Variants in PA2G4 observed in about 807,000 individuals in gnomAD.
The protein encoded by PA2G4 is proliferation-associated protein 2G4.
In PA2G4, 8 loss-of-function variants were observed where a neutral mutation model predicts 53.3. That is an observed-to-expected ratio of 0.15 (90% CI 0.09 to 0.27). The LOEUF is 0.27. PA2G4 is among the 10% of genes least tolerant of loss of function. The pLI, the probability that PA2G4 is intolerant of heterozygous loss-of-function variation, is 1.00. For missense variants in PA2G4, 208 were observed against 486.8 expected (o/e 0.43, Z 5.39); for synonymous variants, 143 against 169.8 (o/e 0.84, Z 1.23).
At chr12:56,110,904 C>T (rs1313814278) in intron 9 of PA2G4, 60 bp from the exon 10 acceptor site, 1 of 1,513,508 alleles carries the variant, frequency 6.6e-7, no homozygotes, top group Non-Finnish European at 9.1e-7. Context: ...AAAATATGAG[C>T]AAAATGGTAA....
At position 56,104,732 on chromosome 12, in the gene PA2G4, AG is replaced by A; in HGVS notation, c.-4del. 1 of 1,613,452 alleles carries A rather than the reference AG, an allele frequency of 6.2e-7. No homozygotes were observed. The highest frequency in any genetic ancestry group is 8.5e-7 in the Non-Finnish European group (1 of 1,179,572). On this transcript the variant is annotated 5_prime_UTR_variant, in exon 1 of 13. Transcript: ENST00000303305. ...GAAACGAGGCTGCAGTGGTGGTAGTAGGAAGATGTCGGGCGAGGACGAGCAA... is the reference window on the plus strand; with the variant it reads ...GAAACGAGGCTGCAGTGGTGGTAGTAGAAGATGTCGGGCGAGGACGAGCAA...
In PA2G4 at chr12:56,110,660, A is replaced by C; in HGVS notation, c.810A>C (p.Glu270Asp). 1 of 1,614,202 alleles carries C rather than the reference A, an allele frequency of 6.2e-7. No individual in the cohort carries two copies. The highest frequency in any genetic ancestry group is 2.2e-5 in the East Asian group (1 of 44,890). ...KTSRAFFSEV[E>D]RRFDAMPFTL... ...CACGTGCCTTCTTCAGTGAGGTGGA[A>C]AGGCGTTTTGATGCCATGCCGTTTA... The change falls in exon 9 of 13, where the codon GAA becomes GAC. Residue 270 changes from glutamate (E) to aspartate (D), a missense_variant. Transcript: ENST00000303305.
At position 56,113,230 on chromosome 12, in the gene PA2G4, C is replaced by T. The variant is rs1007889292; in HGVS notation, c.*342C>T. On this transcript the variant is annotated 3_prime_UTR_variant, in exon 13 of 13. Transcript: ENST00000303305. Reference sequence around the variant, plus strand: ...TCAAGGTTTGTGCCCCACTACAGAACAGGGCTAAATTAGCCACCACCACTG... The same window carrying T: ...TCAAGGTTTGTGCCCCACTACAGAATAGGGCTAAATTAGCCACCACCACTG... The T allele has an allele frequency of 1.1e-4, 21 of 198,642 alleles. 1 individual carries two copies. In the South Asian group the frequency reaches 1.2e-3, roughly 12 times the overall value. The allele number at this position is 198,642 out of a possible 1,614,324, so 12.3% of individuals were successfully genotyped here.
In PA2G4 at chr12:56,113,768, TG is replaced by T; in HGVS notation, c.*885del. On this transcript the variant is annotated 3_prime_UTR_variant, in exon 13 of 13. Coordinates refer to ENST00000303305, the MANE Select transcript of PA2G4 (RefSeq NM_006191.3). ...AAGCTATGGACTTGGATTGGATTGC[TG>T]GGGGTTTGTAGAGAAAGGTGACAAA... The T allele has an allele frequency of 1.4e-6, 1 of 693,938 alleles. No homozygotes were observed. Among genetic ancestry groups the T allele is most frequent in the Non-Finnish European group, 2.6e-6 (1 of 381,400 alleles). The allele number at this position is 693,938 out of a possible 1,614,324, so 43.0% of individuals were successfully genotyped here.
At position 56,109,923 on chromosome 12, in the gene PA2G4, C is replaced by A; in HGVS notation, c.617C>A (p.Thr206Lys). ...GAAAAAACCATTATCCAGAATCCCACAGACCAGCAGAAGTAGGTGCCAACC... is the reference window on the plus strand; with the variant it reads ...GAAAAAACCATTATCCAGAATCCCAAAGACCAGCAGAAGTAGGTGCCAACC... ...DGEKTIIQNP[T>K]DQQKKDHEKA... is the part of the protein sequence containing the mutation. Residue 206 changes from threonine to lysine, a missense_variant, in exon 7 of 13, where the codon ACA becomes AAA. Physicochemically the swap from Thr to Lys is moderately conservative, Grantham distance 78. Transcript: ENST00000303305. 1 of 1,613,206 alleles carries A rather than the reference C, an allele frequency of 6.2e-7. No individual in the cohort carries two copies. The highest frequency in any genetic ancestry group is 8.5e-7 in the Non-Finnish European group (1 of 1,179,146).
chr12:56,111,477 C>A lies in PA2G4; in HGVS notation c.1067C>A (p.Ala356Asp). The A allele has an allele frequency of 6.2e-7, 1 of 1,613,596 alleles. No homozygotes were observed. Among genetic ancestry groups the A allele is most frequent in the South Asian group, 1.1e-5 (1 of 90,908 alleles). The part of the protein sequence containing the change: ...EMEVQDAELK[A>D]LLQSSASRKT... ...TTTTCCCTTCTTCCTGTTTTCCAGG[C>A]CCTCCTCCAGAGTTCTGCAAGTCGA... Residue 356 changes from alanine (A) to aspartate (D), a missense_variant and splice_region_variant, in exon 12 of 13, where the codon GCC becomes GAC. Physicochemically the swap from Ala to Asp is moderately radical, Grantham distance 126 (BLOSUM62 -2). This residue lies in a region of PA2G4 where 50 missense variants were observed against 82.3 expected (regional missense o/e 0.61). Coordinates refer to ENST00000303305, the MANE Select transcript of PA2G4 (RefSeq NM_006191.3).
In PA2G4 at chr12:56,104,691, C is replaced by T. The variant is rs1195241561; in HGVS notation, c.-47C>T. ...CTGTGGCTGGGAAGGGAGACAGAGG[C>T]GGCGGCGGCTCAGGGGAAACGAGGC... is the stretch of plus-strand genomic sequence containing the variant. On this transcript the variant is annotated 5_prime_UTR_variant, in exon 1 of 13. Coordinates refer to ENST00000303305, the MANE Select transcript of PA2G4 (RefSeq NM_006191.3). 2.0e-6 allele frequency: 3 copies of T among 1,494,484 alleles called. No homozygotes were observed. Among genetic ancestry groups the T allele is most frequent in the African/African-American group, 2.8e-5 (2 of 72,544 alleles). 92.6% of individuals were successfully genotyped at this position (1,494,484 alleles called of 1,614,324 possible).
intron 1 of PA2G4, chr12:56,106,294 CTT>C (rs758348900): frequency 4.0e-5 from 10 of 251,556 alleles, no homozygotes; most frequent in Admixed American, 1.5e-4. Flanking sequence ...TTCATCTAGT[CTT>C]TGCGTGTATG....
chr12:56,105,352 C>G (rs1019132991), intron 1 of PA2G4, among the ~76,000 whole-genome samples: 4 of 152,178 alleles, frequency 2.6e-5, no homozygotes, highest in Admixed American at 2.0e-4. Flanking sequence ...GCTTCCCCAC[C>G]ACGTGCTTTG....
intron 12 of PA2G4, 77 bp from the exon 13 acceptor site, chr12:56,112,746 C>T (rs1477186042): frequency 2.0e-6 from 2 of 1,014,990 alleles, no homozygotes; most frequent in Non-Finnish European, 3.0e-6. Context: ...AAAAAAAATA[C>T]TTTTATCTCT....
intron 9 of PA2G4, 83 bp from the exon 10 acceptor site, chr12:56,110,881 T>G (rs899319896): frequency 4.3e-6 from 6 of 1,392,824 alleles, no homozygotes; most frequent in Non-Finnish European, 6.0e-6. Flanking sequence ...TGCCTGAGGG[T>G]AGGAGCTATT....
chr12:56,111,415 C>T lies in PA2G4; in HGVS notation c.1066-61C>T, dbSNP rs1869419877. The T allele has an allele frequency of 3.1e-6, 5 of 1,603,860 alleles. No individual in the cohort carries two copies. In the South Asian group the frequency reaches 4.4e-5, roughly 14 times the overall value. ...AAAGAGCTGCAGTACTGAAAGTAACCCTTTATTTTTAATTTCCTCCACATT... is the reference window on the plus strand; with the variant it reads ...AAAGAGCTGCAGTACTGAAAGTAACTCTTTATTTTTAATTTCCTCCACATT... On this transcript the variant is annotated intron_variant, in intron 11 of 12. Coordinates refer to ENST00000303305, the MANE Select transcript of PA2G4 (RefSeq NM_006191.3).
chr12:56,111,426 A>C, intron 11 of PA2G4, 50 bp from the exon 12 acceptor site: 1 of 1,607,618 alleles, frequency 6.2e-7, no homozygotes, highest in South Asian at 1.1e-5. Flanking sequence ...CTTTATTTTT[A>C]ATTTCCTCCA....
At position 56,111,517 on chromosome 12, in the gene PA2G4, GAAA is replaced by G; in HGVS notation, c.1113_1115del (p.Lys373del). 1 of 1,610,182 alleles carries G rather than the reference GAAA, an allele frequency of 6.2e-7. No individual in the cohort carries two copies. Among genetic ancestry groups the G allele is most frequent in the East Asian group, 2.2e-5 (1 of 44,830 alleles). On this transcript the variant is annotated inframe_deletion, in exon 12 of 13. Coordinates refer to ENST00000303305, the MANE Select transcript of PA2G4 (RefSeq NM_006191.3). Reference sequence around the variant, plus strand: ...CTGCAAGTCGAAAAACCCAGAAAAAGAAAAAAAAGAAGGTGTGTTATTAACGAT... The same window carrying G: ...CTGCAAGTCGAAAAACCCAGAAAAAGAAAAAGAAGGTGTGTTATTAACGAT...
intron 4 of PA2G4, 91 bp from the exon 5 acceptor site, chr12:56,107,430 C>T: frequency 1.9e-6 from 2 of 1,056,110 alleles, no homozygotes; most frequent in Non-Finnish European, 2.9e-6. Context: ...ATTGGCTGGT[C>T]TTCGCATATG....
At chr12:56,111,788 T>G (rs73340323) in intron 12 of PA2G4, among the ~76,000 whole-genome samples, 25,758 of 150,394 alleles carry the variant, frequency 0.17, 3,215 homozygotes, top group African/African-American at 0.35. Flanking sequence ...CCTCCCAAAC[T>G]GTTGGGATTA....
chr12:56,106,629 T>C lies in PA2G4; in HGVS notation c.130T>C (p.Ser44Pro). ...SLVEASSSGV[S>P]VLSLCEKGDA... The stretch of plus-strand genomic sequence containing the variant: ...GGTGGAAGCATCTAGCTCAGGTGTG[T>C]CGGTACTGAGCCTGTGTGAGAAAGG... The change falls in exon 2 of 13, where the codon TCG (serine) becomes CCG (proline). Residue 44 changes from serine (S) to proline (P), a missense_variant. Physicochemically the swap from Ser to Pro is moderately conservative, Grantham distance 74. This residue lies in a region of PA2G4 where 143 missense variants were observed against 386.8 expected (regional missense o/e 0.37). Transcript: ENST00000303305. The C allele has an allele frequency of 6.2e-7, 1 of 1,601,624 alleles. No individual in the cohort carries two copies. Among genetic ancestry groups the C allele is most frequent in the South Asian group, 1.1e-5 (1 of 88,046 alleles).
In PA2G4 at chr12:56,112,862, T is replaced by C. The variant is rs1421296987; in HGVS notation, c.1159T>C (p.Leu387=). The C allele has an allele frequency of 4.4e-6, 7 of 1,577,086 alleles. No homozygotes were observed. The highest frequency in any genetic ancestry group is 3.4e-4 in the Middle Eastern group (2 of 5,964). ...AGAGAATGCCACCAGTGGGGAAACA[T>C]TAGAAGAAAATGAAGCTGGGGACTG... is the stretch of plus-strand genomic sequence containing the variant. The part of the protein sequence containing the change: ...TAENATSGET[L]EENEAGD Residue 387 remains leucine (L), a synonymous_variant, in exon 13 of 13, where the codon TTA becomes CTA. Coordinates refer to ENST00000303305, the MANE Select transcript of PA2G4 (RefSeq NM_006191.3).
Position 56,107,048 on chromosome 12 carries a change from G to A in PA2G4, c.276G>A (p.Leu92=), listed in dbSNP as rs1219296678. 6.2e-7 allele frequency: 1 copy of A among 1,614,012 alleles called. No homozygotes were observed. Among genetic ancestry groups the A allele is most frequent in the Non-Finnish European group, 8.5e-7 (1 of 1,179,880 alleles). ...VNNCVCHFSP[L]KSDQDYILKE... ...ACTGTGTATGTCACTTCTCCCCTTTGAAGAGCGACCAGGATTATATTCTCA... is the reference window on the plus strand; with the variant it reads ...ACTGTGTATGTCACTTCTCCCCTTTAAAGAGCGACCAGGATTATATTCTCA... Residue 92 remains leucine (L), a synonymous_variant, in exon 3 of 13, where the codon TTG becomes TTA. Coordinates refer to ENST00000303305, the MANE Select transcript of PA2G4 (RefSeq NM_006191.3).
Sources: gnomAD v4.1 joint callset for allele counts (sites outside exome capture counted in the v4.1 genomes callset) on GRCh38, gnomAD v4.1.1 for gene constraint, gnomAD v4.1.1 regional missense constraint, MANE v1.5 for transcripts, NCBI Gene and HGNC (gene_info 2026-07-23, HGNC 2026-07-21) for gene names.